HS6ST3: variants seen among roughly 807,000 people sequenced by gnomAD.
HS6ST3 encodes the protein heparan sulfate 6-O-sulfotransferase 3.
HS6ST3 carries 12 observed loss-of-function variants against 36.7 expected under a neutral mutation model. That is an observed-to-expected ratio of 0.33 (90% confidence interval 0.21 to 0.53). HS6ST3 has a LOEUF of 0.53. HS6ST3 is among the 20% of genes least tolerant of loss of function. The pLI is 0.95. For synonymous variants in HS6ST3, 240 were observed against 257.5 expected, an observed-to-expected ratio of 0.93 and a Z score of 0.65; for missense variants, 584 against 640.9, an observed-to-expected ratio of 0.91 and a Z score of 0.96.
chr13:96,330,816 A>C (rs1301779803), intron 1 of HS6ST3, among the ~76,000 whole-genome samples: 1 of 151,120 alleles, frequency 6.6e-6, no homozygotes, highest in East Asian at 1.9e-4. Context: ...ACTTTCAGGT[A>C]CACCAATCAG....
At chr13:96,817,940 C>A (rs1184666268) in intron 1 of HS6ST3, among the ~76,000 whole-genome samples, 1 of 152,190 alleles carries the variant, frequency 6.6e-6, no homozygotes, top group African/African-American at 2.4e-5. Flanking sequence ...GAAAAAGCCA[C>A]CTCTTGTAGC....
At chr13:96,499,329 T>C (rs1314153822) in intron 1 of HS6ST3, among the ~76,000 whole-genome samples, 5 of 152,168 alleles carry the variant, frequency 3.3e-5, no homozygotes, top group Admixed American at 2.0e-4. Flanking sequence ...CCTGGCCCTG[T>C]TCACACATTT....
intron 1 of HS6ST3, among the ~76,000 whole-genome samples, chr13:96,492,694 T>C (rs2055952724): frequency 6.6e-6 from 1 of 152,222 alleles, no homozygotes; most frequent in Non-Finnish European, 1.5e-5. Flanking sequence ...CTCCAGGACT[T>C]TTAAACTCAA....
intron 1 of HS6ST3, among the ~76,000 whole-genome samples, chr13:96,338,266 A>T (rs2055111916): frequency 1.3e-5 from 2 of 152,100 alleles, no homozygotes; most frequent in Non-Finnish European, 2.9e-5. Flanking sequence ...CGTTGCTAAG[A>T]TCACCAACTT....
intron 1 of HS6ST3, among the ~76,000 whole-genome samples, chr13:96,266,019 C>T (rs544280899): frequency 6.6e-6 from 1 of 152,168 alleles, no homozygotes; most frequent in South Asian, 2.1e-4. Context: ...ATTATCATCC[C>T]CATATTATGA....
At chr13:96,390,846 G>A (rs991031146) in intron 1 of HS6ST3, among the ~76,000 whole-genome samples, 1 of 152,082 alleles carries the variant, frequency 6.6e-6, no homozygotes, top group South Asian at 2.1e-4. Flanking sequence ...TCTTTGGTCC[G>A]TCTCATACAG....
chr13:96,498,315 G>T (rs761270899), intron 1 of HS6ST3, among the ~76,000 whole-genome samples: 10 of 152,210 alleles, frequency 6.6e-5, no homozygotes, highest in Non-Finnish European at 1.5e-4. Context: ...TGGAGAGACA[G>T]AGGATTGAGA....
At chr13:96,230,160 GA>G in intron 1 of HS6ST3, among the ~76,000 whole-genome samples, 1 of 152,118 alleles carries the variant, frequency 6.6e-6, no homozygotes, top group Non-Finnish European at 1.5e-5. Context: ...GTGAGTTGTT[GA>G]AGGACCCTGA....
chr13:96,382,275 A>G (rs1006259209), intron 1 of HS6ST3, among the ~76,000 whole-genome samples: 1 of 152,186 alleles, frequency 6.6e-6, no homozygotes, highest in Non-Finnish European at 1.5e-5. Context: ...CAGGTCTTAT[A>G]CCATACTCTT....
chr13:96,753,146 G>C (rs529723335), intron 1 of HS6ST3, among the ~76,000 whole-genome samples: 2 of 152,122 alleles, frequency 1.3e-5, no homozygotes, highest in Non-Finnish European at 2.9e-5. Context: ...TTTAATTGCT[G>C]TGGCATTAAA....
intron 1 of HS6ST3, among the ~76,000 whole-genome samples, chr13:96,352,592 C>G (rs1410137222): frequency 6.6e-6 from 1 of 152,132 alleles, no homozygotes; most frequent in Non-Finnish European, 1.5e-5. Flanking sequence ...TTACACAGGC[C>G]AGTCCTAGTT....
At chr13:96,415,036 A>G (rs2055526213) in intron 1 of HS6ST3, among the ~76,000 whole-genome samples, 2 of 152,180 alleles carry the variant, frequency 1.3e-5, no homozygotes, top group African/African-American at 4.8e-5. Flanking sequence ...AGTTATATTA[A>G]TTACTCAGAA....
At chr13:96,442,508 A>G (rs9556594) in intron 1 of HS6ST3, among the ~76,000 whole-genome samples, 45,429 of 152,106 alleles carry the variant, frequency 0.3, 6,932 homozygotes, top group South Asian at 0.43. Flanking sequence ...TAAATTATCA[A>G]TCAGGAAACC....
At chr13:96,393,097 G>A (rs2055404315) in intron 1 of HS6ST3, among the ~76,000 whole-genome samples, 1 of 152,086 alleles carries the variant, frequency 6.6e-6, no homozygotes. Flanking sequence ...CTTTCACTTG[G>A]CTCTCATTCT....
chr13:96,567,576 C>G (rs1462321052), intron 1 of HS6ST3, among the ~76,000 whole-genome samples: 1 of 151,920 alleles, frequency 6.6e-6, no homozygotes, highest in Non-Finnish European at 1.5e-5. Flanking sequence ...ACACACACAC[C>G]CTCTTTAAAA....
Position 96,090,920 on chromosome 13 carries a change from G to A in HS6ST3, c.58G>A (p.Val20Ile). Residue 20 changes from valine (V) to isoleucine (I), a missense_variant, in exon 1 of 2, where the codon GTC (valine) becomes ATC (isoleucine). Val to Ile is a conservative substitution (Grantham distance 29). This residue lies in a region of HS6ST3 where 217 missense variants were observed against 205.4 expected (regional missense o/e 1.06). Transcript: ENST00000376705. ...GCCGGTGCTCACTCTCCTCTTCGTG[G>A]TCATCATGTACCAGTACGTGTCCCC... The part of the protein sequence containing the change: ...LTPVLTLLFV[V>I]IMYQYVSPSC... The A allele has an allele frequency of 2.0e-6, 3 of 1,514,714 alleles. No homozygotes were observed. The highest frequency in any genetic ancestry group is 2.7e-6 in the Non-Finnish European group (3 of 1,126,928). The allele number at this position is 1,514,714 out of a possible 1,614,324, so 93.8% of individuals were successfully genotyped here. A position where few individuals can be genotyped will look rare whatever the true frequency, so the allele number is the denominator to read the frequency against.
At chr13:96,440,651 AG>A (rs56134658) in intron 1 of HS6ST3, among the ~76,000 whole-genome samples, 152,164 of 152,164 alleles carry the variant, frequency 1, 76,082 homozygotes, top group Non-Finnish European at 1. Flanking sequence ...AGAGAAGGGG[AG>A]GGGGGCTATG....
chr13:96,502,103 C>T (rs1314896196), intron 1 of HS6ST3, among the ~76,000 whole-genome samples: 2 of 152,150 alleles, frequency 1.3e-5, no homozygotes, highest in Non-Finnish European at 2.9e-5. Flanking sequence ...TAACAATGTT[C>T]TAGTGACCTG....
intron 1 of HS6ST3, among the ~76,000 whole-genome samples, chr13:96,385,886 A>G (rs748151166): frequency 6.6e-6 from 1 of 152,194 alleles, no homozygotes; most frequent in Admixed American, 6.5e-5. Flanking sequence ...TGTCCCAGTC[A>G]TTTATCCAGT....
Sources: allele counts gnomAD v4.1 joint callset (sites outside exome capture counted in the v4.1 genomes callset), GRCh38; gene constraint gnomAD v4.1.1; regional missense constraint gnomAD v4.1.1; transcripts MANE v1.5; gene names NCBI Gene and HGNC (gene_info 2026-07-23, HGNC 2026-07-21).